The following MTUS2 variants were observed in gnomAD, a reference collection of about 807,000 sequenced individuals.
MTUS2 encodes microtubule-associated tumor suppressor candidate 2.
In MTUS2, 40 loss-of-function variants were observed where a neutral mutation model predicts 114.1. The ratio of observed to expected loss-of-function variants is 0.35; its 90% confidence interval spans 0.27 to 0.46. The LOEUF is 0.46. MTUS2 is among the 20% of genes least tolerant of loss of function. The pLI is 1.00. For missense variants in MTUS2, 1,679 were observed against 1,705.4 expected, an observed-to-expected ratio of 0.98 and a Z score of 0.27; for synonymous variants, 688 against 672.0, an observed-to-expected ratio of 1.02 and a Z score of -0.37.
In MTUS2 at chr13:29,169,952, C is replaced by T. The variant is rs1051952257; in HGVS notation, c.2644+68982C>T. Among the ~76,000 whole-genome samples, 32 of 152,180 alleles carry T rather than the reference C, an allele frequency of 2.1e-4. 1 individual carries two copies. Among genetic ancestry groups the T allele is most frequent in the Admixed American group, 1.2e-3 (19 of 15,276 alleles). ...CCTCTGTTTCTCTGTTGAGGGACCC[C>T]ATGACCTGTCATTGCCTGACAGTTA... On this transcript the variant is annotated intron_variant, in intron 5 of 15. Transcript: ENST00000612955.
chr13:29,030,363 C>A (rs537122011), intron 3 of MTUS2, among the ~76,000 whole-genome samples: 1 of 152,256 alleles, frequency 6.6e-6, no homozygotes, highest in East Asian at 1.9e-4. Context: ...GTTTTTGGGC[C>A]TCGACTTTAC....
chr13:29,383,248 G>GTATATATATATATATTTATT (rs1361530154), intron 8 of MTUS2, among the ~76,000 whole-genome samples: 1 of 63,202 alleles, frequency 1.6e-5, no homozygotes, highest in Non-Finnish European at 3.9e-5. Flanking sequence ...GTGTGTGTGT[G>GTATATATATATATATTTATT]TGTGTATTTA....
At chr13:28,878,188 C>T (rs1382937707) in intron 2 of MTUS2, among the ~76,000 whole-genome samples, 1 of 149,164 alleles carries the variant, frequency 6.7e-6, no homozygotes, top group African/African-American at 2.5e-5. Context: ...AAACATTGAG[C>T]TTTGTGGCTT....
chr13:29,422,405 G>A (rs3125720), intron 8 of MTUS2, among the ~76,000 whole-genome samples: 4,815 of 152,256 alleles, frequency 0.032, 248 homozygotes, highest in African/African-American at 0.1. Context: ...TAAGCACAGG[G>A]CCGGGCATCT....
At chr13:28,905,454 T>C (rs1879937776) in intron 2 of MTUS2, among the ~76,000 whole-genome samples, 1 of 151,698 alleles carries the variant, frequency 6.6e-6, no homozygotes, top group Non-Finnish European at 1.5e-5. Flanking sequence ...ATTGAGAGTT[T>C]TTAGCATGAA....
At chr13:29,099,747 A>T (rs1361854129) in intron 4 of MTUS2, among the ~76,000 whole-genome samples, 1 of 152,224 alleles carries the variant, frequency 6.6e-6, no homozygotes, top group Non-Finnish European at 1.5e-5. Flanking sequence ...CAATGAGGAC[A>T]GTTATACAGC....
chr13:29,139,326 T>C (rs1411125056), intron 5 of MTUS2, among the ~76,000 whole-genome samples: 1 of 152,256 alleles, frequency 6.6e-6, no homozygotes, highest in Non-Finnish European at 1.5e-5. Context: ...CTTTACACTA[T>C]GCATTTCTGT....
chr13:29,468,259 AAT>A, intron 9 of MTUS2, among the ~76,000 whole-genome samples: 1 of 151,666 alleles, frequency 6.6e-6, no homozygotes, highest in East Asian at 2.0e-4. Context: ...CATATGGCAG[AAT>A]AACAATATTT....
chr13:29,057,439 C>T (rs1888187749), intron 4 of MTUS2, among the ~76,000 whole-genome samples: 1 of 152,082 alleles, frequency 6.6e-6, no homozygotes, highest in Admixed American at 6.5e-5. Context: ...TAAGTCTCTT[C>T]ATAGGTCTCT....
At chr13:29,397,775 C>CTTTTAT (rs1440410487) in intron 8 of MTUS2, among the ~76,000 whole-genome samples, 3 of 152,350 alleles carry the variant, frequency 2.0e-5, no homozygotes, top group African/African-American at 7.2e-5. Flanking sequence ...TTTATCAACC[C>CTTTTAT]TTTTGTCATT....
chr13:29,200,633 G>A (rs1279383665), intron 5 of MTUS2, among the ~76,000 whole-genome samples: 1 of 144,544 alleles, frequency 6.9e-6, no homozygotes, highest in African/African-American at 2.6e-5. Flanking sequence ...CGATTCTTCT[G>A]CCTTAGCCTC....
chr13:29,053,750 C>G (rs2138614505), intron 4 of MTUS2, among the ~76,000 whole-genome samples: 1 of 152,212 alleles, frequency 6.6e-6, no homozygotes, highest in East Asian at 1.9e-4. Context: ...ATTTGTAGTT[C>G]ATTCCTTTTA....
chr13:29,005,189 T>A (rs1566285753), intron 2 of MTUS2, among the ~76,000 whole-genome samples: 1 of 152,112 alleles, frequency 6.6e-6, no homozygotes, highest in South Asian at 2.1e-4. Flanking sequence ...GTGGACCTAG[T>A]TTTGGCAGCA....
intron 2 of MTUS2, among the ~76,000 whole-genome samples, chr13:28,951,439 TTATTA>T (rs1197201801): frequency 6.6e-6 from 1 of 152,168 alleles, no homozygotes; most frequent in Non-Finnish European, 1.5e-5. Flanking sequence ...ATATGTGATC[TTATTA>T]TATTGAGGCA....
At chr13:29,481,564 C>G (rs536891578) in intron 10 of MTUS2, among the ~76,000 whole-genome samples, 2 of 152,290 alleles carry the variant, frequency 1.3e-5, no homozygotes, top group African/African-American at 2.4e-5. Flanking sequence ...TGTCGAGTGG[C>G]CTTCATTGTC....
intron 7 of MTUS2, among the ~76,000 whole-genome samples, chr13:29,334,038 T>G (rs1205569795): frequency 6.6e-6 from 1 of 152,104 alleles, no homozygotes; most frequent in Admixed American, 6.6e-5. Context: ...TTTTGTTTTG[T>G]TTTTGCTTTC....
intron 5 of MTUS2, among the ~76,000 whole-genome samples, chr13:29,205,867 C>T (rs1427296356): frequency 6.6e-6 from 1 of 152,178 alleles, no homozygotes; most frequent in Non-Finnish European, 1.5e-5. Flanking sequence ...CTGTCATAAA[C>T]ATGTGTGTTC....
intron 8 of MTUS2, among the ~76,000 whole-genome samples, chr13:29,431,492 A>G (rs1876986745): frequency 6.6e-6 from 1 of 152,210 alleles, no homozygotes; most frequent in African/African-American, 2.4e-5. Context: ...CACACAGAAC[A>G]ATTAAACATT....
intron 2 of MTUS2, among the ~76,000 whole-genome samples, chr13:28,894,286 G>T (rs1438760575): frequency 3.2e-5 from 1 of 31,322 alleles, no homozygotes; most frequent in Admixed American, 2.6e-4. Context: ...TGGTGGGGGG[G>T]GGGGAGAGAG....
Sources: allele counts gnomAD v4.1 joint callset (sites outside exome capture counted in the v4.1 genomes callset), GRCh38; gene constraint gnomAD v4.1.1; transcripts MANE v1.5; gene names NCBI Gene and HGNC (gene_info 2026-07-23, HGNC 2026-07-21).